LPIN1: variants seen among roughly 807,000 people sequenced by gnomAD.
LPIN1 encodes lipin 1, also known as phosphatidate phosphatase LPIN1.
A neutral mutation model predicts 107.5 loss-of-function variants in LPIN1; 71 were observed. The ratio of observed to expected loss-of-function variants is 0.66; its 90% confidence interval spans 0.55 to 0.80. The LOEUF is 0.80. LPIN1 is among the 30% of genes least tolerant of loss of function. LPIN1 has a pLI of 0.00. For synonymous variants in LPIN1, 445 were observed against 452.6 expected (o/e 0.98, Z 0.21); for missense variants, 1,043 against 1,160.6 (o/e 0.90, Z 1.47).
At chr2:11,698,196 G>T (rs763140428) in intron 1 of LPIN1, among the ~76,000 whole-genome samples, 9 of 152,208 alleles carry the variant, frequency 5.9e-5, no homozygotes, top group Non-Finnish European at 1.0e-4. Context: ...CCTGACTCAG[G>T]CTGTCTGTTC....
chr2:11,713,772 A>C, exon 2 of LPIN1: 2 of 1,518,710 alleles, frequency 1.3e-6, no homozygotes, highest in Non-Finnish European at 1.8e-6. Context: ...ATAATGAGAG[A>C]CCCTGGGTGG....
rs1191017475 is a variant in LPIN1 at position 11,795,307 on chromosome 2, T to A, written c.1807-101T>A. 13 of 959,976 alleles carry A rather than the reference T, an allele frequency of 1.4e-5. No homozygotes were observed. The Middle Eastern group carries it at 8.4e-4, about 62-fold the overall frequency. 59.5% of individuals were successfully genotyped at this position (959,976 alleles called of 1,614,324 possible). A position where few individuals can be genotyped will look rare whatever the true frequency, so the allele number is the denominator to read the frequency against. On this transcript the variant is annotated intron_variant, in intron 13 of 20. Coordinates refer to ENST00000674199, the MANE Select transcript of LPIN1 (RefSeq NM_001349206.2). ...GGGCGTCATTGGGGAATGGTCTATCTTTAGGGGTCCTGCCTTAAGGAAGCC... is the reference window on the plus strand; with the variant it reads ...GGGCGTCATTGGGGAATGGTCTATCATTAGGGGTCCTGCCTTAAGGAAGCC...
Position 11,733,499 on chromosome 2 carries a change from CTT to C in LPIN1, c.-71-7837_-71-7836del, listed in dbSNP as rs111274553. On this transcript the variant is annotated intron_variant, in intron 1 of 21. Coordinates refer to the LPIN1 transcript ENST00000396097. Reference sequence around the variant, plus strand: ...GTGTTTTCTTTCTCTCTCTCTCTCTCTTTTTTTTTTTTTTGACAAAGTCTTGG... The same window carrying C: ...GTGTTTTCTTTCTCTCTCTCTCTCTCTTTTTTTTTTTTGACAAAGTCTTGG... Among the ~76,000 whole-genome samples the C allele has an allele frequency of 9.4e-4, 134 of 143,242 alleles. 1 individual carries two copies. Among genetic ancestry groups the C allele is most frequent in the African/African-American group, 2.9e-3 (109 of 37,996 alleles). 94.0% of individuals were successfully genotyped at this position (143,242 alleles called of 152,430 possible).
intron 1 of LPIN1, among the ~76,000 whole-genome samples, chr2:11,706,236 A>C (rs200254082): frequency 6.6e-6 from 1 of 152,236 alleles, no homozygotes; most frequent in East Asian, 1.9e-4. Flanking sequence ...ATTGTGTTAC[A>C]AAAAGAAGAC....
chr2:11,778,026 G>A (rs1000915821), intron 6 of LPIN1, among the ~76,000 whole-genome samples: 4 of 152,182 alleles, frequency 2.6e-5, no homozygotes, highest in African/African-American at 9.7e-5. Flanking sequence ...TACCGAACAC[G>A]TGACTGTAGA....
chr2:11,769,521 G>A (rs2148629347), intron 3 of LPIN1, among the ~76,000 whole-genome samples: 2 of 152,162 alleles, frequency 1.3e-5, no homozygotes, highest in East Asian at 3.9e-4. Context: ...CTCCCATTGG[G>A]TGGGTTCTCT....
intron 6 of LPIN1, among the ~76,000 whole-genome samples, chr2:11,778,132 G>A (rs1672966336): frequency 1.9e-5 from 2 of 102,572 alleles, no homozygotes; most frequent in Non-Finnish European, 4.3e-5. Context: ...TTTCCCACAT[G>A]GACGTGGGGG....
rs371419134 is a variant in LPIN1 at position 11,771,520 on chromosome 2, C to T, written c.437C>T (p.Pro146Leu). The T allele has an allele frequency of 4.4e-5, 71 of 1,613,998 alleles. No homozygotes were observed. Among genetic ancestry groups the T allele is most frequent in the Middle Eastern group, 1.6e-4 (1 of 6,084 alleles). ...CAAGTGATCGCTCCCAGCGAGACGC[C>T]GTCAAGCAGCTCTGTAGTAAAGAAG... ...PAQVIAPSET[P>L]SSSSVVKKRR... The change falls in exon 4 of 21, where the codon CCG becomes CTG. Residue 146 changes from proline to leucine, a missense_variant. Pro to Leu is a moderately conservative substitution (Grantham distance 98, BLOSUM62 -3). Coordinates refer to ENST00000674199, the MANE Select transcript of LPIN1 (RefSeq NM_001349206.2). The surrounding 1 kb of genome is among the most constrained non-coding windows in gnomAD (Gnocchi z 4.8).
chr2:11,811,796 C>A (rs1179339828), intron 17 of LPIN1, among the ~76,000 whole-genome samples: 1 of 152,156 alleles, frequency 6.6e-6, no homozygotes, highest in African/African-American at 2.4e-5. Flanking sequence ...ACCATCCTGG[C>A]CGACATGATG....
At chr2:11,732,037 C>G (rs766715037) in intron 1 of LPIN1, among the ~76,000 whole-genome samples, 3 of 152,166 alleles carry the variant, frequency 2.0e-5, no homozygotes, top group African/African-American at 7.2e-5. Context: ...CCTGTTCACT[C>G]TGATGTTAGT....
At chr2:11,758,395 G>A (rs1669002937) in intron 1 of LPIN1, among the ~76,000 whole-genome samples, 1 of 152,124 alleles carries the variant, frequency 6.6e-6, no homozygotes, top group Non-Finnish European at 1.5e-5. Context: ...GTGGACAAGA[G>A]TTCCAGTTTC....
rs1375600658 is a variant in LPIN1 at position 11,774,737 on chromosome 2, C to A, written c.722+992C>A. 6.6e-6 allele frequency among the ~76,000 whole-genome samples: 1 copy of A among 152,084 alleles called. No homozygotes were observed. Among genetic ancestry groups the A allele is most frequent in the Non-Finnish European group, 1.5e-5 (1 of 68,034 alleles). ...ACCTTGTGAATTAGCAAGCAGCAGT[C>A]CCCAGTGTGTGCTGACATGGAGGTT... On this transcript the variant is annotated intron_variant, in intron 5 of 20. Transcript: ENST00000674199. This position sits in a 1 kb window ranked among gnomAD's most constrained non-coding sequence, Gnocchi z 4.4.
At chr2:11,742,425 A>G (rs1437454688), upstream of LPIN1, among the ~76,000 whole-genome samples, 1 of 152,118 alleles carries the variant, frequency 6.6e-6, no homozygotes, top group African/African-American at 2.4e-5. Context: ...TTTTCTTAGC[A>G]CTGGAGAATG....
At chr2:11,742,179 C>T (rs189441224), upstream of LPIN1, 2 of 152,266 alleles carry the variant, frequency 1.3e-5, no homozygotes, top group Admixed American at 1.3e-4. Context: ...AGAAGATCTA[C>T]AGTCATGTGC....
In LPIN1 at chr2:11,776,229, A is replaced by G. The variant is rs75785575; in HGVS notation, c.830+36A>G. ...TATTTTCCCCATTGGGATATATTCAATAATGAAAAATTTGATCTAACTCTT... is the reference window on the plus strand; with the variant it reads ...TATTTTCCCCATTGGGATATATTCAGTAATGAAAAATTTGATCTAACTCTT... On this transcript the variant is annotated intron_variant, in intron 6 of 20. Coordinates refer to ENST00000674199, the MANE Select transcript of LPIN1 (RefSeq NM_001349206.2). The G allele has an allele frequency of 4.2e-3, 5,660 of 1,346,814 alleles. 165 individuals are homozygous for G. In the African/African-American group the frequency reaches 0.066, roughly 16 times the overall value. The allele number at this position is 1,346,814 out of a possible 1,614,324, so 83.4% of individuals were successfully genotyped here. A position where few individuals can be genotyped will look rare whatever the true frequency, so the allele number is the denominator to read the frequency against.
At chr2:11,724,807 AT>A (rs1041160375) in intron 1 of LPIN1, among the ~76,000 whole-genome samples, 9 of 152,256 alleles carry the variant, frequency 5.9e-5, no homozygotes, top group Admixed American at 1.3e-4. Context: ...GGGAGTTTTG[AT>A]TCTGTTTGCT....
chr2:11,716,449 C>T (rs1412826421), intron 2 of LPIN1, among the ~76,000 whole-genome samples: 1 of 152,116 alleles, frequency 6.6e-6, no homozygotes, highest in Non-Finnish European at 1.5e-5. Flanking sequence ...TCCTCTCTCT[C>T]TCTGTCCCTC....
intron 1 of LPIN1, among the ~76,000 whole-genome samples, chr2:11,755,010 G>C (rs1668440861): frequency 6.7e-6 from 1 of 149,852 alleles, no homozygotes; most frequent in African/African-American, 2.5e-5. Context: ...GAGTCACCCA[G>C]GCTGGAGTGC....
intron 12 of LPIN1, among the ~76,000 whole-genome samples, chr2:11,789,045 A>G (rs1270196442): frequency 6.6e-6 from 1 of 152,212 alleles, no homozygotes; most frequent in Non-Finnish European, 1.5e-5. Flanking sequence ...ACAATTCACT[A>G]GACAGTCAGC....
Sources: allele counts gnomAD v4.1 joint callset (sites outside exome capture counted in the v4.1 genomes callset), GRCh38; gene constraint gnomAD v4.1.1; non-coding constraint Gnocchi (gnomAD v3.1); transcripts MANE v1.5; gene names NCBI Gene and HGNC (gene_info 2026-07-23, HGNC 2026-07-21).